Variants in NETO1 observed in about 807,000 individuals in gnomAD.
The protein encoded by NETO1 is neuropilin and tolloid like 1, also known as neuropilin and tolloid-like protein 1.
Under a neutral mutation model 61.3 loss-of-function variants are expected in NETO1, and 26 were observed. The ratio of observed to expected loss-of-function variants is 0.42; its 90% CI spans 0.31 to 0.59. The LOEUF (loss-of-function observed/expected upper bound fraction) is 0.59. Among genes scored for constraint, NETO1 ranks in the 20% least tolerant of loss-of-function variants. The pLI is 0.12. For missense variants in NETO1, 531 were observed against 662.8 expected, an observed-to-expected ratio of 0.80 and a Z score of 2.18; for synonymous variants, 225 against 225.8, an observed-to-expected ratio of 1.00 and a Z score of 0.03.
intron 4 of NETO1, among the ~76,000 whole-genome samples, chr18:72,856,619 G>A (rs1012388079): frequency 3.3e-5 from 5 of 152,222 alleles, no homozygotes; most frequent in East Asian, 3.9e-4. Context: ...ATAAAGGACC[G>A]TGTTCAAAAT....
At chr18:72,757,560 A>G (rs1447129544) in intron 7 of NETO1, among the ~76,000 whole-genome samples, 2 of 152,176 alleles carry the variant, frequency 1.3e-5, no homozygotes, top group Non-Finnish European at 2.9e-5. Context: ...TAAAGAGTAA[A>G]AAGCATATAA....
Position 72,790,605 on chromosome 18 carries a change from C to T in NETO1, c.639+3512G>A, listed in dbSNP as rs527348771. On this transcript the variant is annotated intron_variant, in intron 6 of 10. Coordinates refer to ENST00000327305, the MANE Select transcript of NETO1 (RefSeq NM_138966.5). ...CTGCCAGACTCTGCTTGGATTCCTCCGGTGAAATCTCATTCAATCTCTGTT... is the reference window on the plus strand; with the variant it reads ...CTGCCAGACTCTGCTTGGATTCCTCTGGTGAAATCTCATTCAATCTCTGTT... 1.2e-4 allele frequency among the ~76,000 whole-genome samples: 19 copies of T among 152,052 alleles called. No individual in the cohort carries two copies. In the South Asian group the frequency reaches 1.7e-3, roughly 13 times the overall value.
intron 4 of NETO1, among the ~76,000 whole-genome samples, chr18:72,845,784 A>C (rs556779495): frequency 6.6e-6 from 1 of 152,376 alleles, no homozygotes; most frequent in African/African-American, 2.4e-5. Flanking sequence ...ACTAAATGTG[A>C]GATATTGCAA....
At chr18:72,766,220 ATGTGTGTG>A (rs34670401) in intron 7 of NETO1, among the ~76,000 whole-genome samples, 1,493 of 144,752 alleles carry the variant, frequency 0.01, 23 homozygotes, top group African/African-American at 0.034. Flanking sequence ...AAAAAAAAAT[ATGTGTGTG>A]TGTGTGTGTG....
chr18:72,780,555 G>A (rs755783223), intron 7 of NETO1, among the ~76,000 whole-genome samples: 2 of 152,116 alleles, frequency 1.3e-5, no homozygotes, highest in Admixed American at 6.5e-5. Context: ...AACCTACACA[G>A]ATGATTCCTC....
At chr18:72,849,208 A>C (rs2145561323) in intron 4 of NETO1, among the ~76,000 whole-genome samples, 1 of 152,226 alleles carries the variant, frequency 6.6e-6, no homozygotes, top group African/African-American at 2.4e-5. Context: ...AAAGTTAAAT[A>C]TCCAAGTTAA....
intron 4 of NETO1, among the ~76,000 whole-genome samples, chr18:72,814,968 AATT>A (rs1273481290): frequency 1.3e-5 from 2 of 152,092 alleles, no homozygotes; most frequent in Non-Finnish European, 2.9e-5. Flanking sequence ...TTAGTAAAAC[AATT>A]ATTATAAAAA....
chr18:72,866,404 T>C (rs1229130235), intron 1 of NETO1, among the ~76,000 whole-genome samples: 1 of 152,192 alleles, frequency 6.6e-6, no homozygotes, highest in Non-Finnish European at 1.5e-5. Flanking sequence ...CTGGCTGCTG[T>C]TGTTACTGTG....
chr18:72,842,797 C>T (rs191600346), intron 4 of NETO1, among the ~76,000 whole-genome samples: 4 of 152,170 alleles, frequency 2.6e-5, no homozygotes, highest in Admixed American at 2.6e-4. Flanking sequence ...GGCAATAATA[C>T]GTCATAGGTA....
intron 4 of NETO1, among the ~76,000 whole-genome samples, chr18:72,856,979 A>C (rs1177883033): frequency 6.6e-6 from 1 of 152,246 alleles, no homozygotes; most frequent in African/African-American, 2.4e-5. Flanking sequence ...TTCCTATTTC[A>C]ATAAGTAATT....
At chr18:72,850,543 C>T (rs987010308) in intron 4 of NETO1, among the ~76,000 whole-genome samples, 4 of 152,100 alleles carry the variant, frequency 2.6e-5, no homozygotes, top group Admixed American at 1.3e-4. Flanking sequence ...TAAATAGACT[C>T]GTCAATATTT....
chr18:72,824,672 C>T (rs1243990196), intron 4 of NETO1, among the ~76,000 whole-genome samples: 1 of 151,144 alleles, frequency 6.6e-6, no homozygotes, highest in Non-Finnish European at 1.5e-5. Flanking sequence ...CAGAAACAGC[C>T]TGGCCAACAT....
chr18:72,840,554 G>T (rs1415969175), intron 4 of NETO1, among the ~76,000 whole-genome samples: 1 of 152,210 alleles, frequency 6.6e-6, no homozygotes, highest in African/African-American at 2.4e-5. Flanking sequence ...TAAAAAGCCT[G>T]TTAGTAGCCT....
At chr18:72,860,292 C>T (rs1021586890) in intron 3 of NETO1, among the ~76,000 whole-genome samples, 3 of 152,224 alleles carry the variant, frequency 2.0e-5, no homozygotes, top group African/African-American at 4.8e-5. Flanking sequence ...AGACTTAGCA[C>T]AGTCGGGCCT....
chr18:72,815,955 G>C (rs959265449), intron 4 of NETO1, among the ~76,000 whole-genome samples: 1 of 152,146 alleles, frequency 6.6e-6, no homozygotes, highest in Non-Finnish European at 1.5e-5. Context: ...TGTTGAAAAT[G>C]TCAAAAGTCT....
At chr18:72,776,126 G>A (rs2071538112) in intron 7 of NETO1, among the ~76,000 whole-genome samples, 1 of 152,166 alleles carries the variant, frequency 6.6e-6, no homozygotes, top group African/African-American at 2.4e-5. Flanking sequence ...CTGGCTTTGG[G>A]CGAGGGATCT....
intron 7 of NETO1, among the ~76,000 whole-genome samples, chr18:72,763,058 C>G: frequency 6.6e-6 from 1 of 151,708 alleles, no homozygotes; most frequent in East Asian, 1.9e-4. Context: ...TGTTTCAATT[C>G]TGTAACTTAA....
At chr18:72,793,693 T>C (rs2072214228) in intron 6 of NETO1, among the ~76,000 whole-genome samples, 1 of 152,148 alleles carries the variant, frequency 6.6e-6, no homozygotes, top group South Asian at 2.1e-4. Context: ...ACCACACTTG[T>C]ATTTTACATG....
intron 7 of NETO1, among the ~76,000 whole-genome samples, chr18:72,772,731 G>T (rs2071390633): frequency 8.3e-6 from 1 of 120,570 alleles, no homozygotes; most frequent in Non-Finnish European, 1.7e-5. Context: ...TGTGTATCAT[G>T]TACACACACA....
Sources: allele counts gnomAD v4.1 joint callset (sites outside exome capture counted in the v4.1 genomes callset), GRCh38; gene constraint gnomAD v4.1.1; transcripts MANE v1.5; gene names NCBI Gene and HGNC (gene_info 2026-07-23, HGNC 2026-07-21).